CEP43: variants seen among roughly 807,000 people sequenced by gnomAD.
CEP43 encodes the protein FGFR1 oncogene partner.
CEP43 carries 36 observed loss-of-function variants against 52.6 expected under a neutral mutation model. The ratio of observed to expected loss-of-function variants is 0.68; its 90% CI spans 0.52 to 0.90. The LOEUF (loss-of-function observed/expected upper bound fraction) is 0.90. CEP43 is among the 40% of genes least tolerant of loss of function. The pLI is 0.00. For synonymous variants in CEP43, 192 were observed against 172.4 expected (o/e 1.11, Z -0.89); for missense variants, 506 against 472.8 (o/e 1.07, Z -0.65).
In CEP43 at chr6:167,042,157, A is replaced by T; in HGVS notation, c.*2179A>T. On this transcript the variant is annotated 3_prime_UTR_variant, in exon 13 of 13. Coordinates refer to ENST00000366847, the MANE Select transcript of CEP43 (RefSeq NM_007045.4). ...TTATTGAATGATTTTGAATGACTTA[A>T]AGTTCAACTATGAAAAAGCTTTCTT... 1 of 1,008,864 alleles carries T rather than the reference A, an allele frequency of 9.9e-7. No homozygotes were observed. Among genetic ancestry groups the T allele is most frequent in the Non-Finnish European group, 1.2e-6 (1 of 843,398 alleles). The allele number at this position is 1,008,864 out of a possible 1,614,324, so 62.5% of individuals were successfully genotyped here. A position where few individuals can be genotyped will look rare whatever the true frequency, so the allele number is the denominator to read the frequency against.
Position 167,051,659 on chromosome 6 carries a change from A to G in CEP43, c.*11681A>G, listed in dbSNP as rs1376352790. Reference sequence around the variant, plus strand: ...TATAATTGTTATATCTTCCTGATGGATTGGTATTGTAATCACTGTAAAATA... The same window carrying G: ...TATAATTGTTATATCTTCCTGATGGGTTGGTATTGTAATCACTGTAAAATA... On this transcript the variant is annotated 3_prime_UTR_variant, in exon 13 of 13. Coordinates refer to ENST00000366847, the MANE Select transcript of CEP43 (RefSeq NM_007045.4). 6.6e-6 allele frequency: 1 copy of G among 152,164 alleles called. No individual in the cohort carries two copies. The highest frequency in any genetic ancestry group is 1.5e-5 in the Non-Finnish European group (1 of 68,016). 9.4% of individuals were successfully genotyped at this position (152,164 alleles called of 1,614,324 possible).
rs748210067 is a variant in CEP43, at chr6:167,026,572, A to G, written c.945A>G (p.Lys315=). The change falls in exon 10 of 13, where the codon AAA becomes AAG. Residue 315 remains lysine, a synonymous_variant. Coordinates refer to ENST00000366847, the MANE Select transcript of CEP43 (RefSeq NM_007045.4). ...SESKRGNTVL[K]DLKLISDKIG... ...GTAAAAGGGGAAATACAGTTTTGAA[A>G]GATCTGAAATTGATCAGTGATAAAA... 1.9e-6 allele frequency: 3 copies of G among 1,597,736 alleles called. No homozygotes were observed. The highest frequency in any genetic ancestry group is 2.6e-6 in the Non-Finnish European group (3 of 1,165,082).
rs1780495334 is a variant in CEP43 at position 167,032,633 on chromosome 6, A to G, written c.1019A>G (p.Asp340Gly). 1 of 1,578,404 alleles carries G rather than the reference A, an allele frequency of 6.3e-7. No homozygotes were observed. The highest frequency in any genetic ancestry group is 8.6e-7 in the Non-Finnish European group (1 of 1,158,078). The change falls in exon 11 of 13, where the codon GAT becomes GGT. Residue 340 changes from aspartate (D) to glycine (G), a missense_variant. Transcript: ENST00000366847. ...GTGEDDDYVD[D>G]FNSTSHRSEK... Reference sequence around the variant, plus strand: ...GGAGAAGATGATGACTATGTTGATGATTTTAATAGGTAAGAAAAACTATTG... The same window carrying G: ...GGAGAAGATGATGACTATGTTGATGGTTTTAATAGGTAAGAAAAACTATTG...
intron 5 of CEP43, among the ~76,000 whole-genome samples, chr6:167,005,485 G>A (rs1779830527): frequency 6.6e-6 from 1 of 152,214 alleles, no homozygotes; most frequent in African/African-American, 2.4e-5. Flanking sequence ...TTTAAAGTGA[G>A]AGTAGGATGT....
chr6:167,017,392 T>G (rs1379843757), intron 7 of CEP43, among the ~76,000 whole-genome samples: 1 of 152,156 alleles, frequency 6.6e-6, no homozygotes, highest in Non-Finnish European at 1.5e-5. Flanking sequence ...TCAAAGCATA[T>G]GGGAGGATGT....
chr6:167,028,373 G>A lies in CEP43; in HGVS notation c.988+1758G>A, dbSNP rs1780397649. 21 of 985,230 alleles carry A rather than the reference G, an allele frequency of 2.1e-5. No individual in the cohort carries two copies. The South Asian group carries it at 9.4e-4, about 44-fold the overall frequency. 61.0% of individuals were successfully genotyped at this position (985,230 alleles called of 1,614,324 possible). On this transcript the variant is annotated intron_variant, in intron 10 of 12. Transcript: ENST00000366847. ...TGCTCCTTCACTTCACTTTGTCTTG[G>A]GACTTAGGCATATCTCGGGTTGGAA...
At chr6:167,003,127 AACTTT>A in intron 2 of CEP43, 61 bp from the exon 3 acceptor site, 1 of 733,044 alleles carries the variant, frequency 1.4e-6, no homozygotes, top group Non-Finnish European at 2.3e-6. Flanking sequence ...GAAAACGTTA[AACTTT>A]ATATTTTGTA....
chr6:167,032,775 T>C, intron 11 of CEP43, 133 bp downstream of exon 11: 4 of 790,572 alleles, frequency 5.1e-6, no homozygotes, highest in Non-Finnish European at 7.3e-6. Flanking sequence ...TGATTGAAGA[T>C]GAAGAAAAGA....
chr6:167,010,848 A>G lies in CEP43; in HGVS notation c.474A>G (p.Pro158=). 6.3e-7 allele frequency: 1 copy of G among 1,598,598 alleles called. No individual in the cohort carries two copies. The highest frequency in any genetic ancestry group is 8.5e-7 in the Non-Finnish European group (1 of 1,172,810). Residue 158 remains proline, a synonymous_variant, in exon 6 of 13, where the codon CCA becomes CCG. Transcript: ENST00000366847. ...ALDLSDVHSP[P]KSPEGKTSAQ... is the part of the protein sequence containing the mutation. The stretch of plus-strand genomic sequence containing the variant: ...ATCTATCTGATGTACATTCTCCACC[A>G]AAGTCACCAGAGGGAAAAACAAGTG...
intron 7 of CEP43, 80 bp downstream of exon 7, chr6:167,013,647 T>C: frequency 8.8e-7 from 1 of 1,137,054 alleles, no homozygotes; most frequent in Non-Finnish European, 1.3e-6. Context: ...AGCGCTGGGC[T>C]CCTGTCAGAT....
At chr6:167,019,856 A>G (rs553916841) in intron 7 of CEP43, among the ~76,000 whole-genome samples, 2 of 152,218 alleles carry the variant, frequency 1.3e-5, no homozygotes, top group Non-Finnish European at 2.9e-5. Context: ...TTCTTGGGGA[A>G]ATCAGAATAA....
At chr6:167,007,327 A>C (rs1779877539) in intron 5 of CEP43, among the ~76,000 whole-genome samples, 1 of 152,114 alleles carries the variant, frequency 6.6e-6, no homozygotes, top group African/African-American at 2.4e-5. Flanking sequence ...GCCTCCCCTG[A>C]AGTTTGCCCT....
At position 167,044,464 on chromosome 6, in the gene CEP43, C is replaced by G. The variant is rs1780761585; in HGVS notation, c.*4486C>G. 1.0e-6 allele frequency: 1 copy of G among 985,216 alleles called. No individual in the cohort carries two copies. The highest frequency in any genetic ancestry group is 1.7e-5 in the African/African-American group (1 of 57,204). 61.0% of individuals were successfully genotyped at this position (985,216 alleles called of 1,614,324 possible). A position where few individuals can be genotyped will look rare whatever the true frequency, so the allele number is the denominator to read the frequency against. ...CTTGGCCAGAGGACCTCCAGGCTGA[C>G]AAAGTTTCCCCGAGGAAGTCAGATT... On this transcript the variant is annotated 3_prime_UTR_variant, in exon 13 of 13. Coordinates refer to ENST00000366847, the MANE Select transcript of CEP43 (RefSeq NM_007045.4).
At chr6:167,022,240 CGCT>C (rs1247795391) in intron 7 of CEP43, among the ~76,000 whole-genome samples, 166 bp from the exon 8 acceptor site, 1 of 149,240 alleles carries the variant, frequency 6.7e-6, no homozygotes, top group Admixed American at 6.7e-5. Context: ...CTGCAGTTCA[CGCT>C]GCTGAGAGCT....
Position 167,033,942 on chromosome 6 carries a change from GA to G in CEP43, c.1099del (p.Ile367Ter). 1 of 1,587,652 alleles carries G rather than the reference GA, an allele frequency of 6.3e-7. No individual in the cohort carries two copies. Among genetic ancestry groups the G allele is most frequent in the South Asian group, 1.1e-5 (1 of 89,166 alleles). On this transcript the variant is annotated frameshift_variant, in exon 12 of 13. Transcript: ENST00000366847. LOFTEE classifies it high-confidence loss of function. ...AGAGATAGAAGAAGACCTTTCTGTG[GA>G]AATAGATGACATCAATACCAGTGAT... ...GEEIEEDLSV[E>X]IDDINTSDKL...
At chr6:167,003,359 G>T in intron 3 of CEP43, 112 bp downstream of exon 3, 1 of 569,564 alleles carries the variant, frequency 1.8e-6, no homozygotes, top group Non-Finnish European at 3.1e-6. Flanking sequence ...ATTGTTATAG[G>T]TCCTCATTTT....
intron 8 of CEP43, among the ~76,000 whole-genome samples, chr6:167,023,396 A>G (rs1303883635): frequency 6.6e-6 from 1 of 152,194 alleles, no homozygotes; most frequent in Admixed American, 6.5e-5. Flanking sequence ...ACAGAGTGGC[A>G]TCATGGTTTT....
At chr6:167,005,397 C>CA (rs1471698103) in intron 5 of CEP43, among the ~76,000 whole-genome samples, 1 of 152,146 alleles carries the variant, frequency 6.6e-6, no homozygotes, top group Non-Finnish European at 1.5e-5. Flanking sequence ...TGTCATTTAA[C>CA]ACATTATTTC....
rs530991703 is a variant in CEP43 at position 167,052,202 on chromosome 6, G to A, written c.*12224G>A. On this transcript the variant is annotated 3_prime_UTR_variant, in exon 13 of 13. Coordinates refer to ENST00000366847, the MANE Select transcript of CEP43 (RefSeq NM_007045.4). Reference sequence around the variant, plus strand: ...GATAGAAACACATTTCTTCTTTATAGCTCTAGGTCCTCTTCACTTGTTTTT... The same window carrying A: ...GATAGAAACACATTTCTTCTTTATAACTCTAGGTCCTCTTCACTTGTTTTT... 2.6e-5 allele frequency: 4 copies of A among 152,106 alleles called. No homozygotes were observed. The highest frequency in any genetic ancestry group is 7.2e-5 in the African/African-American group (3 of 41,502). The allele number at this position is 152,106 out of a possible 1,614,324, so 9.4% of individuals were successfully genotyped here.
Sources: allele counts gnomAD v4.1 joint callset (sites outside exome capture counted in the v4.1 genomes callset), GRCh38; gene constraint gnomAD v4.1.1; transcripts MANE v1.5; gene names NCBI Gene and HGNC (gene_info 2026-07-23, HGNC 2026-07-21).